SH3TC2: variants seen among roughly 807,000 people sequenced by gnomAD.
The protein encoded by SH3TC2 is SH3 domain and tetratricopeptide repeat-containing protein 2.
A neutral mutation model predicts 124.5 loss-of-function variants in SH3TC2; 87 were observed. The ratio of observed to expected loss-of-function variants is 0.70; its 90% confidence interval spans 0.59 to 0.84. The LOEUF (loss-of-function observed/expected upper bound fraction) is 0.84, where lower values mean the gene tolerates loss of function less well. Among genes scored for constraint, SH3TC2 ranks in the 40% least tolerant of loss-of-function variants. The pLI, the probability that SH3TC2 is intolerant of heterozygous loss-of-function variation, is 0.00. For missense variants in SH3TC2, 1,536 were observed against 1,566.4 expected (o/e 0.98, Z 0.33); for synonymous variants, 634 against 628.5 (o/e 1.01, Z -0.13).
chr5:149,052,663 A>T (rs1754578312), intron 1 of SH3TC2, among the ~76,000 whole-genome samples: 1 of 152,202 alleles, frequency 6.6e-6, no homozygotes, highest in East Asian at 1.9e-4. Context: ...GGGTGTGGTT[A>T]TAATGGCCCT....
At position 149,048,135 on chromosome 5, in the gene SH3TC2, C is replaced by A. The variant is rs560262878; in HGVS notation, c.152-146G>T. ...GTTACAGATTAGAGTGGTCTTAACA[C>A]TTCTCGGAGCACTCCTTTAAATGGT... On this transcript the variant is annotated intron_variant, in intron 2 of 16. Coordinates refer to ENST00000515425, the MANE Select transcript of SH3TC2 (RefSeq NM_024577.4). 2.8e-5 allele frequency: 31 copies of A among 1,089,228 alleles called. No homozygotes were observed. The South Asian group carries it at 4.1e-4, about 14-fold the overall frequency. 67.5% of individuals were successfully genotyped at this position (1,089,228 alleles called of 1,614,324 possible). A position where few individuals can be genotyped will look rare whatever the true frequency, so the allele number is the denominator to read the frequency against.
rs1208634517 is a variant in SH3TC2, at chr5:148,995,772, A to G, written c.*8939T>C. On this transcript the variant is annotated 3_prime_UTR_variant, in exon 17 of 17. Coordinates refer to ENST00000515425, the MANE Select transcript of SH3TC2 (RefSeq NM_024577.4). ...CCAGAAATACAGAGCTGAGTGACCC[A>G]AATAAGATTCCTGTTTTCATGGAAC... Among the ~76,000 whole-genome samples, 1 of 152,168 alleles carries G rather than the reference A, an allele frequency of 6.6e-6. No individual in the cohort carries two copies. The highest frequency in any genetic ancestry group is 1.5e-5 in the Non-Finnish European group (1 of 68,028).
In SH3TC2 at chr5:149,028,557, G is replaced by A. The variant is rs1380474010; in HGVS notation, c.1178-3C>T. On this transcript the variant is annotated splice_region_variant and splice_polypyrimidine_tract_variant and intron_variant, in intron 10 of 16. Transcript: ENST00000515425. The stretch of plus-strand genomic sequence containing the variant: ...CTTGAAACCTTCAGGCTGGGATGCT[G>A]TAAGGACAGGCAAAGTTGAGCAACC... The A allele has an allele frequency of 2.5e-6, 4 of 1,614,042 alleles. No homozygotes were observed. In the Admixed American group the frequency reaches 5.0e-5, roughly 20 times the overall value.
At chr5:149,008,719 C>A (rs1334844419) in intron 15 of SH3TC2, 132 bp downstream of exon 15, 2 of 1,293,236 alleles carry the variant, frequency 1.5e-6, no homozygotes, top group African/African-American at 1.5e-5. Context: ...TAACTAAGGT[C>A]TCTCTGACAG....
At position 148,991,574 on chromosome 5, in the gene SH3TC2, C is replaced by G. The variant is rs1467404212; in HGVS notation, c.*13137G>C. On this transcript the variant is annotated 3_prime_UTR_variant, in exon 17 of 17. Coordinates refer to ENST00000515425, the MANE Select transcript of SH3TC2 (RefSeq NM_024577.4). Reference sequence around the variant, plus strand: ...AGGGTTTCCCCCAGGAGCTCCAGTTCTTTTAGTGGTAGTAACATCAAGTAG... The same window carrying G: ...AGGGTTTCCCCCAGGAGCTCCAGTTGTTTTAGTGGTAGTAACATCAAGTAG... 3.3e-5 allele frequency among the ~76,000 whole-genome samples: 5 copies of G among 152,160 alleles called. No homozygotes were observed. Among genetic ancestry groups the G allele is most frequent in the Non-Finnish European group, 7.3e-5 (5 of 68,030 alleles).
intron 7 of SH3TC2, among the ~76,000 whole-genome samples, chr5:149,039,199 C>A (rs1754330308): frequency 6.6e-6 from 1 of 152,152 alleles, no homozygotes; most frequent in Non-Finnish European, 1.5e-5. Context: ...TAGCAATGAC[C>A]TTTTGATGAA....
rs545517216 is a variant in SH3TC2, at chr5:149,013,779, A to G, written c.3054-1045T>C. ...ACGATTCAGTATTCAAAAACAAGGA[A>G]GGAACACTGTGCATCATCTAGATAG... On this transcript the variant is annotated intron_variant, in intron 12 of 16. Coordinates refer to ENST00000515425, the MANE Select transcript of SH3TC2 (RefSeq NM_024577.4). Among the ~76,000 whole-genome samples the G allele has an allele frequency of 1.2e-4, 19 of 152,318 alleles. No individual in the cohort carries two copies. The South Asian group carries it at 3.9e-3, about 32-fold the overall frequency.
At chr5:149,010,101 A>C (rs1240901892) in intron 14 of SH3TC2, among the ~76,000 whole-genome samples, 169 bp downstream of exon 14, 1 of 152,186 alleles carries the variant, frequency 6.6e-6, no homozygotes, top group Non-Finnish European at 1.5e-5. Context: ...ACCTTCCCTG[A>C]GCTCCCACTA....
At position 149,063,033 on chromosome 5, in the gene SH3TC2, T is replaced by TCCTA; in HGVS notation, c.-15_-12dup. The TCCTA allele has an allele frequency of 6.3e-7, 1 of 1,597,388 alleles. No individual in the cohort carries two copies. Among genetic ancestry groups the TCCTA allele is most frequent in the Non-Finnish European group, 8.5e-7 (1 of 1,171,416 alleles). On this transcript the variant is annotated 5_prime_UTR_variant, in exon 1 of 17. Transcript: ENST00000515425. ...GAAGCAGCCACCCATGTGTGTACCA[T>TCCTA]CCTACCCTGGCCGAGGCCCTTGGGA... is the stretch of plus-strand genomic sequence containing the variant.
intron 16 of SH3TC2, among the ~76,000 whole-genome samples, chr5:149,005,515 C>G (rs1753672152): frequency 1.3e-5 from 2 of 152,166 alleles, no homozygotes; most frequent in African/African-American, 4.8e-5. Flanking sequence ...CTGAGTTTTT[C>G]CCTTTACAAT....
At chr5:149,057,377 G>A (rs1754668015) in intron 1 of SH3TC2, among the ~76,000 whole-genome samples, 1 of 151,694 alleles carries the variant, frequency 6.6e-6, no homozygotes, top group African/African-American at 2.4e-5. Flanking sequence ...ATTTTTGAAT[G>A]ATAAAGTCCC....
At chr5:149,037,534 A>T (rs953694377) in intron 8 of SH3TC2, among the ~76,000 whole-genome samples, 1 of 152,174 alleles carries the variant, frequency 6.6e-6, no homozygotes, top group African/African-American at 2.4e-5. Flanking sequence ...AGATCGTTAG[A>T]CATTTCTGGG....
intron 3 of SH3TC2, chr5:149,047,512 G>T (rs921850029): frequency 2.6e-5 from 8 of 311,632 alleles, no homozygotes; most frequent in Non-Finnish European, 4.4e-5. Flanking sequence ...TAAAAAAAAA[G>T]AATTTGAAAT....
intron 13 of SH3TC2, among the ~76,000 whole-genome samples, chr5:149,012,308 C>T (rs1475527427): frequency 6.6e-6 from 1 of 152,168 alleles, no homozygotes; most frequent in East Asian, 1.9e-4. Context: ...GGACAAGTGA[C>T]GTTACAGATG....
In SH3TC2 at chr5:149,031,549, C is replaced by G; in HGVS notation, c.1135+5G>C. The stretch of plus-strand genomic sequence containing the variant: ...TTTTGAAGGTGTCTGAGGACCAACA[C>G]TCACTGAGCCGGTAGACAGATGTGA... On this transcript the variant is annotated splice_donor_5th_base_variant and intron_variant, in intron 9 of 16. Coordinates refer to ENST00000515425, the MANE Select transcript of SH3TC2 (RefSeq NM_024577.4). 6.2e-7 allele frequency: 1 copy of G among 1,614,132 alleles called. No individual in the cohort carries two copies. Among genetic ancestry groups the G allele is most frequent in the Non-Finnish European group, 8.5e-7 (1 of 1,180,030 alleles).
At chr5:149,011,210 T>C (rs1753777371) in intron 13 of SH3TC2, among the ~76,000 whole-genome samples, 1 of 152,234 alleles carries the variant, frequency 6.6e-6, no homozygotes, top group Non-Finnish European at 1.5e-5. Flanking sequence ...GGGTGAGGCC[T>C]GGGACCAGTT....
In SH3TC2 at chr5:149,000,352, C is replaced by T. The variant is rs1451833759; in HGVS notation, c.*4359G>A. On this transcript the variant is annotated 3_prime_UTR_variant, in exon 17 of 17. Transcript: ENST00000515425. ...GTGGTTGTTGCTAGTCTGTCATCTACACTCTCTGCCACTTATTAATCTCTC... is the reference window on the plus strand; with the variant it reads ...GTGGTTGTTGCTAGTCTGTCATCTATACTCTCTGCCACTTATTAATCTCTC... Among the ~76,000 whole-genome samples, 3 of 152,206 alleles carry T rather than the reference C, an allele frequency of 2.0e-5. No individual in the cohort carries two copies. The highest frequency in any genetic ancestry group is 4.4e-5 in the Non-Finnish European group (3 of 68,042).
chr5:149,028,751 G>A (rs1754129910), intron 9 of SH3TC2, 33 bp from the exon 10 acceptor site: 2 of 1,613,268 alleles, frequency 1.2e-6, no homozygotes, highest in East Asian at 2.2e-5. Context: ...TCTGGTGTTA[G>A]GTCAGGATGG....
Position 149,004,637 on chromosome 5 carries a change from T to G in SH3TC2, c.*74A>C. The G allele has an allele frequency of 1.4e-3, 2,180 of 1,512,340 alleles. No individual in the cohort carries two copies. The highest frequency in any genetic ancestry group is 1.8e-3 in the Non-Finnish European group (1,992 of 1,105,982). The allele number at this position is 1,512,340 out of a possible 1,614,324, so 93.7% of individuals were successfully genotyped here. A position where few individuals can be genotyped will look rare whatever the true frequency, so the allele number is the denominator to read the frequency against. ...CAGGTAAGGACTCGGACCCTCCCAA[T>G]GAGTATTTAAGAGCCTAGGGCAGTG... On this transcript the variant is annotated 3_prime_UTR_variant, in exon 17 of 17. Coordinates refer to ENST00000515425, the MANE Select transcript of SH3TC2 (RefSeq NM_024577.4).
Sources: gnomAD v4.1 joint callset for allele counts (sites outside exome capture counted in the v4.1 genomes callset) on GRCh38, gnomAD v4.1.1 for gene constraint, MANE v1.5 for transcripts, NCBI Gene and HGNC (gene_info 2026-07-23, HGNC 2026-07-21) for gene names.